Variants in MTFR1 observed in about 807,000 individuals in gnomAD.
MTFR1 encodes chondrocyte protein with a poly-proline region.
In MTFR1, 28 loss-of-function variants were observed where a neutral mutation model predicts 38.8. That is an observed-to-expected ratio of 0.72 (90% CI 0.53 to 0.99). MTFR1 has a LOEUF of 0.99. Among genes scored for constraint, MTFR1 ranks in the 50% least tolerant of loss-of-function variants. The pLI, the probability that MTFR1 is intolerant of heterozygous loss-of-function variation, is 0.00. For synonymous variants in MTFR1, 145 were observed against 137.0 expected (o/e 1.06, Z -0.41); for missense variants, 358 against 395.5 (o/e 0.91, Z 0.81).
chr8:65,680,326 C>A (rs1489808444), intron 2 of MTFR1, among the ~76,000 whole-genome samples: 1 of 152,054 alleles, frequency 6.6e-6, no homozygotes, highest in Non-Finnish European at 1.5e-5. Context: ...CCACCCCTGG[C>A]TAAGTTTCCA....
At chr8:65,711,277 T>TAA (rs1805935871), downstream of MTFR1, among the ~76,000 whole-genome samples, 1 of 152,178 alleles carries the variant, frequency 6.6e-6, no homozygotes, top group Non-Finnish European at 1.5e-5. Flanking sequence ...CCCTTCTACA[T>TAA]AAGACTTGTG....
chr8:65,755,267 C>T (rs1253691748), intron 3 of MTFR1, among the ~76,000 whole-genome samples: 5 of 151,840 alleles, frequency 3.3e-5, no homozygotes, highest in Non-Finnish European at 2.9e-5. Context: ...GGGATCCACC[C>T]GCCTCAGCCT....
intron 3 of MTFR1, among the ~76,000 whole-genome samples, chr8:65,757,777 C>T (rs1212283717): frequency 3.3e-5 from 5 of 152,100 alleles, no homozygotes; most frequent in African/African-American, 1.2e-4. Flanking sequence ...TGCCACCACG[C>T]CCGGCTAACT....
chr8:65,777,076 GC>G, the MTFR1 span, among the ~76,000 whole-genome samples: 21 of 128,514 alleles, frequency 1.6e-4, no homozygotes, highest in African/African-American at 6.0e-4. Flanking sequence ...TTTATCAAAT[GC>G]TTTTTTTTTT....
intron 1 of MTFR1, among the ~76,000 whole-genome samples, chr8:65,645,509 G>A (rs997033049): frequency 3.9e-5 from 6 of 152,202 alleles, no homozygotes; most frequent in African/African-American, 1.4e-4. Context: ...CAATACGTGG[G>A]CAGTCTTGCT....
intron 3 of MTFR1, among the ~76,000 whole-genome samples, chr8:65,741,642 C>G (rs1807441258): frequency 6.6e-6 from 1 of 152,170 alleles, no homozygotes; most frequent in Non-Finnish European, 1.5e-5. Flanking sequence ...TCCTGATATG[C>G]TCTATTGGTA....
intron 3 of MTFR1, chr8:65,682,923 A>G: frequency 2.0e-6 from 2 of 985,320 alleles, no homozygotes; most frequent in Non-Finnish European, 2.4e-6. Flanking sequence ...TGCCTTGGCA[A>G]TGACAGTGTC....
chr8:65,723,631 A>G, intron 3 of MTFR1: 1 of 1,514,314 alleles, frequency 6.6e-7, no homozygotes. Flanking sequence ...CCTATAAATT[A>G]AAAAAAGAGA....
chr8:65,674,213 G>A (rs886278380), intron 2 of MTFR1, among the ~76,000 whole-genome samples: 1 of 152,176 alleles, frequency 6.6e-6, no homozygotes, highest in South Asian at 2.1e-4. Context: ...GATTACAGGC[G>A]TGAGCCACTG....
intron 1 of MTFR1, among the ~76,000 whole-genome samples, chr8:65,650,448 A>G (rs928045620): frequency 6.6e-6 from 1 of 152,186 alleles, no homozygotes; most frequent in Non-Finnish European, 1.5e-5. Context: ...CTGGGATTAC[A>G]GGTGTGAGCC....
At chr8:65,733,259 T>C (rs1806977489) in intron 3 of MTFR1, among the ~76,000 whole-genome samples, 1 of 152,200 alleles carries the variant, frequency 6.6e-6, no homozygotes, top group African/African-American at 2.4e-5. Context: ...CAGATTTCCC[T>C]GCCCCTGGCT....
At position 65,730,241 on chromosome 8, in the gene MTFR1, C is replaced by T. The variant is rs572105001; in HGVS notation, c.*48+10760C>T. On this transcript the variant is annotated intron_variant, in intron 3 of 3. Coordinates refer to the MTFR1 transcript ENST00000521247. ...TGTTGCCCAGGCTGCAGAGTAATGG[C>T]GCAATCACGGCTCACCGAAACCTCC... is the stretch of plus-strand genomic sequence containing the variant. Among the ~76,000 whole-genome samples, 38 of 122,168 alleles carry T rather than the reference C, an allele frequency of 3.1e-4. No homozygotes were observed. The South Asian group carries it at 3.9e-3, about 13-fold the overall frequency. 80.1% of individuals were successfully genotyped at this position (122,168 alleles called of 152,430 possible).
At chr8:65,739,694 A>C in intron 3 of MTFR1, 1 of 1,206,450 alleles carries the variant, frequency 8.3e-7, no homozygotes, top group Non-Finnish European at 1.1e-6. Flanking sequence ...AAACATGGAA[A>C]GAGTAATAAT....
intron 3 of MTFR1, among the ~76,000 whole-genome samples, chr8:65,753,866 A>C (rs1410233756): frequency 6.6e-6 from 1 of 151,574 alleles, no homozygotes; most frequent in African/African-American, 2.4e-5. Context: ...ATCAACATAC[A>C]ATGCCTTTTA....
At chr8:65,666,290 C>T (rs1265843924) in intron 1 of MTFR1, among the ~76,000 whole-genome samples, 3 of 145,420 alleles carry the variant, frequency 2.1e-5, no homozygotes, top group Non-Finnish European at 4.7e-5. Context: ...GCCTGTAATC[C>T]CAGCTCTCAG....
chr8:65,746,266 G>A (rs963080019), intron 3 of MTFR1, among the ~76,000 whole-genome samples: 15 of 151,980 alleles, frequency 9.9e-5, no homozygotes, highest in African/African-American at 3.1e-4. Context: ...TTTTAGGGAC[G>A]TAGAAACAAG....
At chr8:65,769,147 C>T (rs1808947390) in intron 3 of MTFR1, among the ~76,000 whole-genome samples, 1 of 149,672 alleles carries the variant, frequency 6.7e-6, no homozygotes, top group Non-Finnish European at 1.5e-5. Context: ...ACTTGGGAGG[C>T]TGAGGCATGA....
intron 2 of MTFR1, among the ~76,000 whole-genome samples, chr8:65,672,033 G>A (rs66987979): frequency 0.1 from 15,370 of 152,226 alleles, 783 homozygotes; most frequent in Admixed American, 0.11. Flanking sequence ...CAGATAGCAC[G>A]CTTTATTTAG....
At chr8:65,775,016 T>A (rs1029114542), downstream of MTFR1, among the ~76,000 whole-genome samples, 3 of 152,246 alleles carry the variant, frequency 2.0e-5, no homozygotes, top group African/African-American at 7.2e-5. Flanking sequence ...TTTTCTACAT[T>A]CAGTTCTGAT....
Sources: allele counts gnomAD v4.1 joint callset (sites outside exome capture counted in the v4.1 genomes callset), GRCh38; gene constraint gnomAD v4.1.1; transcripts MANE v1.5; gene names NCBI Gene and HGNC (gene_info 2026-07-23, HGNC 2026-07-21).